The following PAPSS1 variants were observed in gnomAD, a reference collection of about 807,000 sequenced individuals.
PAPSS1 encodes the protein bifunctional 3'-phosphoadenosine 5'-phosphosulfate synthase 1.
In PAPSS1, 50 loss-of-function variants were observed where a neutral mutation model predicts 72.0. The observed-to-expected ratio is 0.69, with a 90% CI of 0.55 to 0.88. The LOEUF (loss-of-function observed/expected upper bound fraction) is 0.88. Ranked by LOEUF, PAPSS1 falls within the 40% of genes least tolerant of loss-of-function variation. The probability of loss-of-function intolerance (pLI) is 0.00; values close to 1 mark genes in which losing one functional copy is unlikely to be tolerated. For synonymous variants in PAPSS1, 261 were observed against 263.6 expected, an observed-to-expected ratio of 0.99 and a Z score of 0.09; for missense variants, 657 against 782.2, an observed-to-expected ratio of 0.84 and a Z score of 1.91.
intron 11 of PAPSS1, among the ~76,000 whole-genome samples, chr4:107,621,606 A>ATTTTTTTTTT (rs1382723816): frequency 8.5e-4 from 43 of 50,476 alleles, no homozygotes; most frequent in East Asian, 2.0e-3. Flanking sequence ...CAGGTTTTTT[A>ATTTTTTTTTT]TCTTTTTTTT....
Position 107,658,615 on chromosome 4 carries a change from C to A in PAPSS1, c.783+1344G>T, listed in dbSNP as rs551453892. On this transcript the variant is annotated intron_variant, in intron 6 of 11. Coordinates refer to ENST00000265174, the MANE Select transcript of PAPSS1 (RefSeq NM_005443.5). ...ATAAAGCACCTGGCTGAGTGGAGTA[C>A]AGTAAAATGCAGCCTACTATTTATT... Among the ~76,000 whole-genome samples, 9 of 152,210 alleles carry A rather than the reference C, an allele frequency of 5.9e-5. No homozygotes were observed. In the South Asian group the frequency reaches 1.9e-3, roughly 32 times the overall value.
At chr4:107,669,183 A>G (rs1356064824) in intron 5 of PAPSS1, among the ~76,000 whole-genome samples, 1 of 152,246 alleles carries the variant, frequency 6.6e-6, no homozygotes. Context: ...TGAAAAGTAC[A>G]CATTATAGCA....
At chr4:107,641,716 A>T (rs1726549376) in intron 10 of PAPSS1, among the ~76,000 whole-genome samples, 1 of 152,202 alleles carries the variant, frequency 6.6e-6, no homozygotes, top group Non-Finnish European at 1.5e-5. Flanking sequence ...ATTAAACACC[A>T]AAGGATATCC....
chr4:107,663,057 G>A (rs1727229324), intron 5 of PAPSS1, among the ~76,000 whole-genome samples: 1 of 152,088 alleles, frequency 6.6e-6, no homozygotes, highest in Non-Finnish European at 1.5e-5. Flanking sequence ...TATGCTAGGG[G>A]GAGAAAACAC....
At chr4:107,674,295 C>T (rs62311647) in intron 5 of PAPSS1, among the ~76,000 whole-genome samples, 10 of 152,106 alleles carry the variant, frequency 6.6e-5, no homozygotes, top group South Asian at 2.1e-4. Context: ...ACCCATCTCA[C>T]GTGCAGAGAC....
chr4:107,645,536 C>T (rs1726670154), intron 9 of PAPSS1, among the ~76,000 whole-genome samples: 1 of 152,208 alleles, frequency 6.6e-6, no homozygotes, highest in South Asian at 2.1e-4. Flanking sequence ...CAAAAATTTA[C>T]TTACTGTCCA....
chr4:107,702,401 T>C (rs1448921042), intron 1 of PAPSS1, among the ~76,000 whole-genome samples: 2 of 152,198 alleles, frequency 1.3e-5, no homozygotes, highest in African/African-American at 4.8e-5. Context: ...CAGAAATACA[T>C]TGTTATTATC....
intron 4 of PAPSS1, among the ~76,000 whole-genome samples, chr4:107,683,905 C>A (rs1170313671): frequency 6.6e-6 from 1 of 151,936 alleles, no homozygotes; most frequent in African/African-American, 2.4e-5. Context: ...AAAAAATAAG[C>A]AACTCTATAA....
chr4:107,638,161 C>T (rs1726437656), intron 10 of PAPSS1, among the ~76,000 whole-genome samples: 1 of 152,168 alleles, frequency 6.6e-6, no homozygotes, highest in African/African-American at 2.4e-5. Context: ...TTACTCTGTA[C>T]TGGTACTGAA....
intron 1 of PAPSS1, among the ~76,000 whole-genome samples, chr4:107,706,360 C>T (rs1474956593): frequency 2.0e-5 from 3 of 152,162 alleles, no homozygotes; most frequent in Non-Finnish European, 4.4e-5. Flanking sequence ...TGGAAGAAAT[C>T]TGTCTTCAAG....
At chr4:107,615,332 G>C (rs1201237659) in intron 11 of PAPSS1, among the ~76,000 whole-genome samples, 1 of 152,114 alleles carries the variant, frequency 6.6e-6, no homozygotes, top group East Asian at 1.9e-4. Flanking sequence ...AGCATTCAGA[G>C]TCGCTCAGGT....
chr4:107,708,891 T>A (rs946975892), intron 1 of PAPSS1, among the ~76,000 whole-genome samples: 1 of 152,262 alleles, frequency 6.6e-6, no homozygotes, highest in Admixed American at 6.5e-5. Flanking sequence ...ACAGACTGTA[T>A]CCACCCTTGT....
chr4:107,646,686 G>A (rs760159774), intron 9 of PAPSS1, among the ~76,000 whole-genome samples: 2 of 152,052 alleles, frequency 1.3e-5, no homozygotes, highest in Non-Finnish European at 2.9e-5. Context: ...AACAGGCACC[G>A]CCCTCCCCGT....
At chr4:107,628,399 T>A (rs1276422335) in intron 11 of PAPSS1, among the ~76,000 whole-genome samples, 1 of 152,182 alleles carries the variant, frequency 6.6e-6, no homozygotes, top group East Asian at 1.9e-4. Context: ...AGGTTTCTTT[T>A]TCTCTTCTGT....
intron 2 of PAPSS1, among the ~76,000 whole-genome samples, chr4:107,697,066 G>A (rs1461807590): frequency 1.6e-5 from 2 of 124,370 alleles, no homozygotes; most frequent in African/African-American, 5.5e-5. Flanking sequence ...CTTAATTTGG[G>A]AGAAGCCAGT....
At chr4:107,614,457 C>A in intron 11 of PAPSS1, 70 bp from the exon 12 acceptor site, 2 of 1,233,692 alleles carry the variant, frequency 1.6e-6, no homozygotes, top group South Asian at 1.4e-5. Context: ...AGCATTTGTT[C>A]CTTCTGTTCA....
Position 107,631,838 on chromosome 4 carries a change from C to T in PAPSS1, c.1529G>A (p.Arg510Gln), listed in dbSNP as rs756037064. ...PTEVQWHCRARMVAGANFYIV... is the reference protein window; with the variant it reads ...PTEVQWHCRAQMVAGANFYIV... Reference sequence around the variant, plus strand: ...GTAAAAGTTGGCTCCTGCAACCATCCGTGCTCTGCAATGCCACTGGACCTA... The same window carrying T: ...GTAAAAGTTGGCTCCTGCAACCATCTGTGCTCTGCAATGCCACTGGACCTA... The change falls in exon 11 of 12, where the codon CGG becomes CAG. Residue 510 changes from arginine (R) to glutamine (Q), a missense_variant. Coordinates refer to ENST00000265174, the MANE Select transcript of PAPSS1 (RefSeq NM_005443.5). 1.2e-5 allele frequency: 20 copies of T among 1,613,600 alleles called. No homozygotes were observed. Among genetic ancestry groups the T allele is most frequent in the Middle Eastern group, 1.6e-4 (1 of 6,082 alleles).
At chr4:107,639,550 A>G (rs900908293) in intron 10 of PAPSS1, among the ~76,000 whole-genome samples, 24 of 152,210 alleles carry the variant, frequency 1.6e-4, no homozygotes, top group African/African-American at 5.3e-4. Flanking sequence ...ATCAGGAGAA[A>G]TAAGTAATAC....
rs545583130 is a variant in PAPSS1 at position 107,691,462 on chromosome 4, T to C, written c.411+2309A>G. Among the ~76,000 whole-genome samples the C allele has an allele frequency of 7.9e-5, 12 of 152,296 alleles. 1 individual carries two copies. Among genetic ancestry groups the C allele is most frequent in the Admixed American group, 7.2e-4 (11 of 15,292 alleles). On this transcript the variant is annotated intron_variant, in intron 3 of 11. Transcript: ENST00000265174. Reference sequence around the variant, plus strand: ...CCAAAGACCCTGCCTCTCACCTCTATACTAACTCGCTTATTCACTGATATC... The same window carrying C: ...CCAAAGACCCTGCCTCTCACCTCTACACTAACTCGCTTATTCACTGATATC...
Sources: gnomAD v4.1 joint callset for allele counts (sites outside exome capture counted in the v4.1 genomes callset) on GRCh38, gnomAD v4.1.1 for gene constraint, MANE v1.5 for transcripts, NCBI Gene and HGNC (gene_info 2026-07-23, HGNC 2026-07-21) for gene names.